The following STXBP5L variants were observed in gnomAD, a reference collection of about 807,000 sequenced individuals.
STXBP5L encodes syntaxin-binding protein 5-like.
Under a neutral mutation model 144.5 loss-of-function variants are expected in STXBP5L, and 65 were observed. The observed-to-expected ratio is 0.45, with a 90% CI of 0.37 to 0.55. The LOEUF (loss-of-function observed/expected upper bound fraction) is 0.55. Among genes scored for constraint, STXBP5L ranks in the 20% least tolerant of loss-of-function variants. STXBP5L has a pLI of 0.00. For synonymous variants in STXBP5L, 505 were observed against 469.6 expected, an observed-to-expected ratio of 1.08 and a Z score of -0.97; for missense variants, 1,298 against 1,405.5, an observed-to-expected ratio of 0.92 and a Z score of 1.22.
In STXBP5L at chr3:121,395,492, A is replaced by AT. The variant is rs200454187; in HGVS notation, c.2588-11744dup. Among the ~76,000 whole-genome samples the AT allele has an allele frequency of 8.4e-3, 1,278 of 152,136 alleles. 17 individuals carry two copies. The highest frequency in any genetic ancestry group is 0.029 in the African/African-American group (1,210 of 41,508). ...TTAGTCATTAATAAAATATTCTTGCATTTTTTTCTGGTCAGGTTCCATTTT... is the reference window on the plus strand; with the variant it reads ...TTAGTCATTAATAAAATATTCTTGCATTTTTTTTCTGGTCAGGTTCCATTTT... On this transcript the variant is annotated intron_variant, in intron 22 of 26. Coordinates refer to ENST00000471454, the MANE Select transcript of STXBP5L (RefSeq NM_001308330.2).
intron 3 of STXBP5L, among the ~76,000 whole-genome samples, chr3:120,976,375 G>C (rs1226736552): frequency 2.0e-5 from 3 of 152,082 alleles, no homozygotes; most frequent in Non-Finnish European, 4.4e-5. Flanking sequence ...GTATTTCTGT[G>C]GGATTGGTGG....
At chr3:121,300,127 T>G (rs532082643) in intron 19 of STXBP5L, among the ~76,000 whole-genome samples, 3 of 152,248 alleles carry the variant, frequency 2.0e-5, no homozygotes, top group African/African-American at 7.2e-5. Context: ...AATGAGTGAT[T>G]TTTTCCATCA....
intron 6 of STXBP5L, among the ~76,000 whole-genome samples, chr3:121,118,955 G>C (rs1203923117): frequency 6.6e-6 from 1 of 151,356 alleles, no homozygotes; most frequent in East Asian, 1.9e-4. Flanking sequence ...AATAGCAAGA[G>C]GTGGGATATA....
chr3:121,418,367 G>T lies in STXBP5L; in HGVS notation c.3257G>T (p.Arg1086Leu). The T allele has an allele frequency of 6.2e-7, 1 of 1,613,694 alleles. No individual in the cohort carries two copies. The highest frequency in any genetic ancestry group is 8.5e-7 in the Non-Finnish European group (1 of 1,179,798). Residue 1086 changes from arginine to leucine, a missense_variant, in exon 26 of 27, where the codon CGC becomes CTC. Arg to Leu is a moderately radical substitution (Grantham distance 102, BLOSUM62 -2). Coordinates refer to ENST00000471454, the MANE Select transcript of STXBP5L (RefSeq NM_001308330.2). ...FGEASAGKAS[R>L]SLAQHIPGPG... ...GAAGCTTCGGCAGGAAAAGCATCCCGCAGCCTTGCGCAACACATTCCTGGA... is the reference window on the plus strand; with the variant it reads ...GAAGCTTCGGCAGGAAAAGCATCCCTCAGCCTTGCGCAACACATTCCTGGA...
At chr3:120,944,350 A>G (rs1361065697) in intron 2 of STXBP5L, among the ~76,000 whole-genome samples, 1 of 151,716 alleles carries the variant, frequency 6.6e-6, no homozygotes, top group Non-Finnish European at 1.5e-5. Context: ...TTATCTTAAT[A>G]TGTCCTATAG....
At chr3:121,242,299 A>G (rs1227516578) in intron 14 of STXBP5L, among the ~76,000 whole-genome samples, 3 of 152,168 alleles carry the variant, frequency 2.0e-5, no homozygotes, top group Non-Finnish European at 2.9e-5. Flanking sequence ...AGATTATAGT[A>G]ACAGAGTCTG....
At chr3:120,935,400 T>A (rs1376544065) in intron 2 of STXBP5L, among the ~76,000 whole-genome samples, 1 of 150,764 alleles carries the variant, frequency 6.6e-6, no homozygotes, top group Non-Finnish European at 1.5e-5. Context: ...AAAAATCTGT[T>A]AGCTCAATTA....
At chr3:120,973,976 A>G (rs1940609879) in intron 3 of STXBP5L, among the ~76,000 whole-genome samples, 1 of 152,168 alleles carries the variant, frequency 6.6e-6, no homozygotes, top group Non-Finnish European at 1.5e-5. Flanking sequence ...AGTCTTTGCT[A>G]TTATGAATAG....
In STXBP5L at chr3:121,315,027, A is replaced by G. The variant is rs2043732212; in HGVS notation, c.2111-3448A>G. On this transcript the variant is annotated intron_variant, in intron 19 of 26. Transcript: ENST00000471454. ...TGTGGAGAAATAGGAACACTTTTAC[A>G]CTGTTGGTGGGACTGTAAACTAGTT... Among the ~76,000 whole-genome samples the G allele has an allele frequency of 1.3e-5, 2 of 152,116 alleles. 1 individual carries two copies. Among genetic ancestry groups the G allele is most frequent in the Admixed American group, 1.3e-4 (2 of 15,264 alleles).
At chr3:121,211,578 C>CTTTTTTTTTTTTTTTTTT (rs1188424283) in intron 10 of STXBP5L, among the ~76,000 whole-genome samples, 2 of 110,260 alleles carry the variant, frequency 1.8e-5, no homozygotes, top group African/African-American at 3.5e-5. Flanking sequence ...TTTTTTCTTT[C>CTTTTTTTTTTTTTTTTTT]TTTTTTTTTT....
intron 2 of STXBP5L, among the ~76,000 whole-genome samples, chr3:120,916,908 A>T (rs1314831078): frequency 1.3e-5 from 2 of 152,248 alleles, no homozygotes; most frequent in East Asian, 3.8e-4. Flanking sequence ...AAACTTGTCT[A>T]TAAATCTGTA....
intron 23 of STXBP5L, among the ~76,000 whole-genome samples, chr3:121,409,861 CT>C (rs1322786259): frequency 6.6e-6 from 1 of 151,596 alleles, no homozygotes; most frequent in Non-Finnish European, 1.5e-5. Context: ...CCCTTTTCCC[CT>C]GGTATTGATT....
chr3:120,944,639 C>T (rs6770656), intron 2 of STXBP5L, among the ~76,000 whole-genome samples: 19,745 of 151,642 alleles, frequency 0.13, 1,611 homozygotes, highest in Non-Finnish European at 0.19. Context: ...CCAATACTTC[C>T]ATCGCCAATG....
chr3:121,108,234 A>C (rs986765357), intron 5 of STXBP5L, among the ~76,000 whole-genome samples: 1 of 152,156 alleles, frequency 6.6e-6, no homozygotes, highest in Non-Finnish European at 1.5e-5. Flanking sequence ...CCCTGGCCAG[A>C]ACTCCCAATA....
At chr3:121,380,808 T>A (rs1385045623) in intron 21 of STXBP5L, among the ~76,000 whole-genome samples, 1 of 152,062 alleles carries the variant, frequency 6.6e-6, no homozygotes, top group East Asian at 1.9e-4. Flanking sequence ...AGATATAGAA[T>A]ATGTTTGCCG....
chr3:121,098,209 G>A (rs998265120), intron 5 of STXBP5L, among the ~76,000 whole-genome samples: 1 of 152,106 alleles, frequency 6.6e-6, no homozygotes, highest in South Asian at 2.1e-4. Context: ...TCAGTAGAAG[G>A]GGATATGTAT....
chr3:121,054,427 C>T (rs983219907), intron 5 of STXBP5L, among the ~76,000 whole-genome samples: 7 of 152,016 alleles, frequency 4.6e-5, no homozygotes, highest in East Asian at 1.9e-4. Context: ...AGGATGAGTT[C>T]ATGTCCTTTG....
chr3:121,324,745 C>T (rs184817723), intron 20 of STXBP5L, among the ~76,000 whole-genome samples: 160 of 152,162 alleles, frequency 1.1e-3, no homozygotes, highest in African/African-American at 2.6e-3. Context: ...GCAAATATAA[C>T]GCCAGAGACA....
intron 18 of STXBP5L, among the ~76,000 whole-genome samples, chr3:121,279,255 G>C (rs2050975298): frequency 6.6e-6 from 1 of 151,646 alleles, no homozygotes; most frequent in Non-Finnish European, 1.5e-5. Context: ...TTTGAAAGGG[G>C]CACAAAATAA....
Sources: gnomAD v4.1 joint callset for allele counts (sites outside exome capture counted in the v4.1 genomes callset) on GRCh38, gnomAD v4.1.1 for gene constraint, MANE v1.5 for transcripts, NCBI Gene and HGNC (gene_info 2026-07-23, HGNC 2026-07-21) for gene names.